Variants in PDE3A observed in about 807,000 individuals in gnomAD.
The protein encoded by PDE3A is cGMP-inhibited 3',5'-cyclic phosphodiesterase 3A.
PDE3A carries 43 observed loss-of-function variants against 98.3 expected under a neutral mutation model. The ratio of observed to expected loss-of-function variants is 0.44; its 90% CI spans 0.34 to 0.56. The LOEUF is 0.56. Ranked by LOEUF, PDE3A falls within the 20% of genes least tolerant of loss-of-function variation. The pLI, the probability that PDE3A is intolerant of heterozygous loss-of-function variation, is 0.01. For synonymous variants in PDE3A, 663 were observed against 567.9 expected (o/e 1.17, Z -2.38); for missense variants, 1,427 against 1,440.7 (o/e 0.99, Z 0.15).
chr12:20,587,387 A>T (rs956663453), intron 2 of PDE3A, among the ~76,000 whole-genome samples: 2 of 152,124 alleles, frequency 1.3e-5, no homozygotes, highest in African/African-American at 4.8e-5. Flanking sequence ...AATAATAAGT[A>T]AATAAATAAA....
At chr12:20,570,510 G>A (rs1942779906) in intron 2 of PDE3A, among the ~76,000 whole-genome samples, 1 of 144,722 alleles carries the variant, frequency 6.9e-6, no homozygotes, top group Non-Finnish European at 1.5e-5. Flanking sequence ...ATAGAACACA[G>A]AGCAGTCAGA....
intron 1 of PDE3A, among the ~76,000 whole-genome samples, chr12:20,518,165 C>A (rs1946356706): frequency 6.6e-6 from 1 of 152,138 alleles, no homozygotes; most frequent in Non-Finnish European, 1.5e-5. Context: ...CAAATTGCTC[C>A]AGTGCTTCAG....
At chr12:20,651,459 A>G (rs1032002080) in intron 14 of PDE3A, among the ~76,000 whole-genome samples, 1 of 152,240 alleles carries the variant, frequency 6.6e-6, no homozygotes, top group East Asian at 1.9e-4. Context: ...TCGGTTAATC[A>G]ACATTGCTGT....
intron 10 of PDE3A, among the ~76,000 whole-genome samples, chr12:20,641,075 C>T (rs919377381): frequency 6.6e-6 from 1 of 152,040 alleles, no homozygotes. Flanking sequence ...ATCACATCAA[C>T]TTAGGGATTT....
chr12:20,610,672 G>A (rs1240676726), intron 2 of PDE3A, among the ~76,000 whole-genome samples: 1 of 151,840 alleles, frequency 6.6e-6, no homozygotes, highest in African/African-American at 2.4e-5. Flanking sequence ...ATGCACACAC[G>A]TATATACATA....
chr12:20,615,761 T>G (rs1392805576), intron 3 of PDE3A, among the ~76,000 whole-genome samples: 6 of 152,120 alleles, frequency 3.9e-5, no homozygotes, highest in African/African-American at 1.4e-4. Flanking sequence ...CTTCTGCTCT[T>G]GTCACCCAGG....
chr12:20,466,341 A>G (rs1200524149), intron 1 of PDE3A, among the ~76,000 whole-genome samples: 3 of 152,230 alleles, frequency 2.0e-5, no homozygotes, highest in East Asian at 3.8e-4. Flanking sequence ...TATGAAGCAT[A>G]TAAACAAAGG....
At chr12:20,444,653 A>T (rs556049704) in intron 1 of PDE3A, among the ~76,000 whole-genome samples, 1 of 152,048 alleles carries the variant, frequency 6.6e-6, no homozygotes, top group African/African-American at 2.4e-5. Flanking sequence ...TAAAGAAATA[A>T]AAGTGTTAAT....
intron 1 of PDE3A, among the ~76,000 whole-genome samples, chr12:20,463,244 A>G (rs553413596): frequency 2.0e-5 from 3 of 152,338 alleles, no homozygotes; most frequent in South Asian, 4.1e-4. Context: ...CAAAATTGTT[A>G]TAGTATGAAA....
At chr12:20,661,146 C>G (rs1945160532) in intron 15 of PDE3A, among the ~76,000 whole-genome samples, 1 of 152,122 alleles carries the variant, frequency 6.6e-6, no homozygotes, top group Non-Finnish European at 1.5e-5. Flanking sequence ...TCTGTTTTAG[C>G]AAAGAGACTG....
chr12:20,509,288 G>A (rs940651226), intron 1 of PDE3A, among the ~76,000 whole-genome samples: 1 of 151,936 alleles, frequency 6.6e-6, no homozygotes, highest in African/African-American at 2.4e-5. Flanking sequence ...TCTGGACAAG[G>A]GCCTTTTAAG....
intron 2 of PDE3A, among the ~76,000 whole-genome samples, chr12:20,570,976 G>C: frequency 6.6e-6 from 1 of 152,124 alleles, no homozygotes; most frequent in East Asian, 1.9e-4. Context: ...TGTTTTAGAT[G>C]AAACTAGAAA....
chr12:20,465,864 T>C (rs1056593880), intron 1 of PDE3A, among the ~76,000 whole-genome samples: 1 of 152,150 alleles, frequency 6.6e-6, no homozygotes, highest in African/African-American at 2.4e-5. Flanking sequence ...TAAAAGAATA[T>C]TCCAGAACAG....
At position 20,648,841 on chromosome 12, in the gene PDE3A, G is replaced by T. The variant is rs756727590; in HGVS notation, c.2719G>T (p.Ala907Ser). 3 of 1,613,570 alleles carry T rather than the reference G, an allele frequency of 1.9e-6. No homozygotes were observed. The highest frequency in any genetic ancestry group is 1.7e-5 in the Admixed American group (1 of 59,958). Residue 907 changes from alanine to serine, a missense_variant, in exon 13 of 16, where the codon GCC (alanine) becomes TCC (serine). Physicochemically the swap from Ala to Ser is moderately conservative, Grantham distance 99. This residue lies in a region of PDE3A where 273 missense variants were observed against 420.3 expected (regional missense o/e 0.65). Transcript: ENST00000359062. The part of the protein sequence containing the change: ...FRFLVIEAIL[A>S]TDLKKHFDFV... ...TTTCCTTGTCATTGAAGCAATTTTG[G>T]CCACTGACCTGAAGAAACACTTTGA...
At chr12:20,593,849 A>G (rs1241932295) in intron 2 of PDE3A, among the ~76,000 whole-genome samples, 1 of 152,140 alleles carries the variant, frequency 6.6e-6, no homozygotes. Flanking sequence ...TGTATTCATT[A>G]TAACATAGGG....
chr12:20,407,119 C>T (rs934340511), intron 1 of PDE3A, among the ~76,000 whole-genome samples: 2 of 152,128 alleles, frequency 1.3e-5, no homozygotes, highest in African/African-American at 4.8e-5. Context: ...GTATACTATA[C>T]AGTTTGGGAT....
chr12:20,416,879 A>T (rs1944429282), intron 1 of PDE3A, among the ~76,000 whole-genome samples: 2 of 152,150 alleles, frequency 1.3e-5, no homozygotes, highest in Admixed American at 1.3e-4. Flanking sequence ...TATAGCTGTA[A>T]ATTATTTAAA....
rs773322982 is a variant in PDE3A, at chr12:20,637,093, A to T, written c.2002-7A>T. On this transcript the variant is annotated splice_polypyrimidine_tract_variant and splice_region_variant and intron_variant, in intron 8 of 15. Coordinates refer to ENST00000359062, the MANE Select transcript of PDE3A (RefSeq NM_000921.5). ...CTGTTTAAGTATTTTAATGTTAAAC[A>T]TTACAGGACAAACCAATTCTTGCTC... 1 of 1,564,912 alleles carries T rather than the reference A, an allele frequency of 6.4e-7. No individual in the cohort carries two copies. Among genetic ancestry groups the T allele is most frequent in the Admixed American group, 2.0e-5 (1 of 50,918 alleles).
At chr12:20,379,347 C>T (rs1159269028) in intron 1 of PDE3A, among the ~76,000 whole-genome samples, 1 of 151,754 alleles carries the variant, frequency 6.6e-6, no homozygotes, top group African/African-American at 2.4e-5. Context: ...TATGAAACAT[C>T]CCCTTGTTTG....
Sources: allele counts gnomAD v4.1 joint callset (sites outside exome capture counted in the v4.1 genomes callset), GRCh38; gene constraint gnomAD v4.1.1; regional missense constraint gnomAD v4.1.1; transcripts MANE v1.5; gene names NCBI Gene and HGNC (gene_info 2026-07-23, HGNC 2026-07-21).